Variants in CORIN observed in about 807,000 individuals in gnomAD.
CORIN encodes the protein corin, serine peptidase.
A neutral mutation model predicts 125.3 loss-of-function variants in CORIN; 117 were observed. The observed-to-expected ratio is 0.93, with a 90% CI of 0.80 to 1.09. CORIN has a LOEUF of 1.09. Ranked by LOEUF, CORIN falls within the 50% of genes least tolerant of loss-of-function variation. The pLI, the probability that CORIN is intolerant of heterozygous loss-of-function variation, is 0.00. For missense variants in CORIN, 1,253 were observed against 1,306.7 expected (o/e 0.96, Z 0.63); for synonymous variants, 450 against 466.4 (o/e 0.96, Z 0.45).
intron 12 of CORIN, among the ~76,000 whole-genome samples, chr4:47,657,304 T>C (rs912789892): frequency 6.6e-6 from 1 of 151,852 alleles, no homozygotes; most frequent in Non-Finnish European, 1.5e-5. Context: ...GAGGCCAAGG[T>C]GGGTGGATCA....
intron 2 of CORIN, among the ~76,000 whole-genome samples, chr4:47,787,176 G>A (rs2109917916): frequency 6.6e-6 from 1 of 152,224 alleles, no homozygotes; most frequent in South Asian, 2.1e-4. Context: ...AAGAGCTTAC[G>A]GTTTAGAAAC....
At chr4:47,766,420 T>G (rs940313635) in intron 3 of CORIN, among the ~76,000 whole-genome samples, 6 of 151,988 alleles carry the variant, frequency 3.9e-5, no homozygotes, top group Admixed American at 2.0e-4. Flanking sequence ...TACTATTTCT[T>G]AAGAACAGTT....
chr4:47,653,579 T>A lies in CORIN; in HGVS notation c.1817A>T (p.Asp606Val). ...SRRCDGQADCDDDSDEENCGC... is the reference protein window; with the variant it reads ...SRRCDGQADCVDDSDEENCGC... ...ACAGTTTTCCTCATCACTGTCATCG[T>A]CACAGTCGGCCTGGCCATCACATCT... is the stretch of plus-strand genomic sequence containing the variant. The change falls in exon 13 of 22, where the codon GAC (aspartate) becomes GTC (valine). Residue 606 changes from aspartate to valine, a missense_variant. Transcript: ENST00000273857. 1.2e-6 allele frequency: 2 copies of A among 1,614,122 alleles called. No homozygotes were observed. Among genetic ancestry groups the A allele is most frequent in the South Asian group, 1.1e-5 (1 of 91,086 alleles).
At chr4:47,810,314 A>G (rs1291675457) in intron 1 of CORIN, among the ~76,000 whole-genome samples, 1 of 151,874 alleles carries the variant, frequency 6.6e-6, no homozygotes, top group African/African-American at 2.4e-5. Context: ...CAGTCTTCTG[A>G]GTGACTGGGA....
At chr4:47,638,894 A>G (rs1723131134) in intron 16 of CORIN, among the ~76,000 whole-genome samples, 1 of 152,184 alleles carries the variant, frequency 6.6e-6, no homozygotes, top group Admixed American at 6.5e-5. Flanking sequence ...AGAACTCTAA[A>G]TCTTCTCATC....
chr4:47,636,672 T>C (rs1723040649), intron 16 of CORIN, among the ~76,000 whole-genome samples: 1 of 152,202 alleles, frequency 6.6e-6, no homozygotes, highest in Admixed American at 6.5e-5. Flanking sequence ...CTCTTTTCTG[T>C]GTGCTGCCAT....
chr4:47,787,513 CAA>C (rs769509859), intron 2 of CORIN, among the ~76,000 whole-genome samples: 3 of 120,056 alleles, frequency 2.5e-5, no homozygotes, highest in African/African-American at 3.0e-5. Flanking sequence ...TCATAGGAAC[CAA>C]AAAAAAAAAA....
chr4:47,691,413 GTTT>G (rs1476895872), intron 6 of CORIN, among the ~76,000 whole-genome samples: 1 of 152,160 alleles, frequency 6.6e-6, no homozygotes, highest in Non-Finnish European at 1.5e-5. Context: ...CTACAAAAAT[GTTT>G]TTATGTAAAA....
intron 4 of CORIN, among the ~76,000 whole-genome samples, chr4:47,745,350 A>G (rs1377717036): frequency 6.6e-6 from 1 of 152,234 alleles, no homozygotes; most frequent in Non-Finnish European, 1.5e-5. Context: ...TGAAGGCTGC[A>G]TCTCTCACCC....
chr4:47,619,989 G>A (rs1023781815), intron 19 of CORIN, among the ~76,000 whole-genome samples: 3 of 152,114 alleles, frequency 2.0e-5, no homozygotes, highest in African/African-American at 7.2e-5. Context: ...CTTACACATT[G>A]AAAGCTCTCA....
chr4:47,766,338 C>G (rs1301719820), intron 3 of CORIN, among the ~76,000 whole-genome samples: 1 of 152,092 alleles, frequency 6.6e-6, no homozygotes, highest in Non-Finnish European at 1.5e-5. Flanking sequence ...AACTTCATGG[C>G]CCAAGATAGT....
chr4:47,600,077 C>A (rs944422554), intron 21 of CORIN, 137 bp downstream of exon 21: 28 of 691,534 alleles, frequency 4.0e-5, no homozygotes, highest in Middle Eastern at 2.5e-4. Flanking sequence ...GGAAAATGTG[C>A]TGTTAATAAT....
chr4:47,722,338 T>C (rs996123050), intron 5 of CORIN, among the ~76,000 whole-genome samples: 2 of 152,196 alleles, frequency 1.3e-5, no homozygotes, highest in African/African-American at 2.4e-5. Context: ...TTTCCTCTTT[T>C]CTATCATTGC....
intron 4 of CORIN, among the ~76,000 whole-genome samples, chr4:47,750,276 C>A (rs773987599): frequency 1.3e-5 from 2 of 152,050 alleles, no homozygotes; most frequent in Non-Finnish European, 2.9e-5. Flanking sequence ...GGATGGACAG[C>A]GGTGCAAGGG....
At chr4:47,664,229 G>A (rs1378796270) in intron 11 of CORIN, among the ~76,000 whole-genome samples, 1 of 152,176 alleles carries the variant, frequency 6.6e-6, no homozygotes, top group African/African-American at 2.4e-5. Context: ...AACACATGGC[G>A]CAGCAAAGGG....
chr4:47,757,141 T>C (rs1049717235), intron 4 of CORIN, among the ~76,000 whole-genome samples: 1 of 151,966 alleles, frequency 6.6e-6, no homozygotes, highest in African/African-American at 2.4e-5. Context: ...TAATGAAATA[T>C]AAAAGAAAAA....
intron 16 of CORIN, among the ~76,000 whole-genome samples, chr4:47,629,305 C>G (rs1237290215): frequency 2.0e-5 from 3 of 152,114 alleles, no homozygotes; most frequent in Non-Finnish European, 4.4e-5. Flanking sequence ...ATGCTGAGCA[C>G]CTTTTCTTAT....
At chr4:47,809,020 C>T (rs572963999) in intron 1 of CORIN, among the ~76,000 whole-genome samples, 10 of 152,262 alleles carry the variant, frequency 6.6e-5, no homozygotes, top group South Asian at 2.1e-4. Context: ...GATAGAAATA[C>T]GATTTCTTGC....
intron 3 of CORIN, among the ~76,000 whole-genome samples, chr4:47,767,755 A>T (rs1729825969): frequency 6.6e-6 from 1 of 152,220 alleles, no homozygotes; most frequent in Admixed American, 6.5e-5. Context: ...TACAATCGAC[A>T]CCACATAAAT....
Sources: allele counts gnomAD v4.1 joint callset (sites outside exome capture counted in the v4.1 genomes callset), GRCh38; gene constraint gnomAD v4.1.1; transcripts MANE v1.5; gene names NCBI Gene and HGNC (gene_info 2026-07-23, HGNC 2026-07-21).